COMMD10: variants seen among roughly 807,000 people sequenced by gnomAD.
COMMD10 encodes the protein COMM domain-containing protein 10.
In COMMD10, 33 loss-of-function variants were observed where a neutral mutation model predicts 28.9. The observed-to-expected ratio is 1.14, with a 90% CI of 0.87 to 1.53. The LOEUF (loss-of-function observed/expected upper bound fraction) is 1.53. Among genes scored for constraint, COMMD10 ranks in the 40% most tolerant of loss-of-function variants. The pLI, the probability that COMMD10 is intolerant of heterozygous loss-of-function variation, is 0.00. For missense variants in COMMD10, 310 were observed against 233.4 expected (o/e 1.33, Z -2.14); for synonymous variants, 110 against 81.7 (o/e 1.35, Z -1.87).
At chr5:116,245,988 A>C (rs567145126) in intron 5 of COMMD10, among the ~76,000 whole-genome samples, 1 of 152,288 alleles carries the variant, frequency 6.6e-6, no homozygotes, top group African/African-American at 2.4e-5. Context: ...TGGCCAGGGC[A>C]AATAGGCCAG....
intron 5 of COMMD10, among the ~76,000 whole-genome samples, chr5:116,227,109 C>CTA (rs1749412934): frequency 6.6e-6 from 1 of 151,976 alleles, no homozygotes; most frequent in African/African-American, 2.4e-5. Flanking sequence ...TCTATCTGTG[C>CTA]TATAGGTTCA....
At chr5:116,213,832 T>C (rs1325266860) in intron 5 of COMMD10, among the ~76,000 whole-genome samples, 1 of 152,150 alleles carries the variant, frequency 6.6e-6, no homozygotes, top group African/African-American at 2.4e-5. Flanking sequence ...CTTGATAAAA[T>C]GTGAATGATT....
At chr5:116,111,372 G>T (rs1751037764) in intron 4 of COMMD10, among the ~76,000 whole-genome samples, 1 of 151,910 alleles carries the variant, frequency 6.6e-6, no homozygotes, top group Non-Finnish European at 1.5e-5. Flanking sequence ...TTGTTAATTT[G>T]CAATCTTTCT....
Position 116,170,628 on chromosome 5 carries a change from CA to C in COMMD10, c.510+36454del, listed in dbSNP as rs1490479201. On this transcript the variant is annotated intron_variant, in intron 5 of 6. Coordinates refer to ENST00000274458, the MANE Select transcript of COMMD10 (RefSeq NM_016144.4). Reference sequence around the variant, plus strand: ...AACCAAAACAGCATGGTACTGGTACCAAAACAGATATATATACCAGTGGAAC... The same window carrying C: ...AACCAAAACAGCATGGTACTGGTACCAAACAGATATATATACCAGTGGAAC... Among the ~76,000 whole-genome samples the C allele has an allele frequency of 9.2e-5, 14 of 152,140 alleles. No individual in the cohort carries two copies. The East Asian group carries it at 2.7e-3, about 29-fold the overall frequency.
At chr5:116,092,953 C>G (rs181495138) in intron 4 of COMMD10, among the ~76,000 whole-genome samples, 71 of 152,282 alleles carry the variant, frequency 4.7e-4, no homozygotes, top group African/African-American at 1.7e-3. Context: ...TGACTGGAAA[C>G]TATCGCTCGC....
At chr5:116,107,485 TG>T (rs1561604008) in intron 4 of COMMD10, among the ~76,000 whole-genome samples, 3 of 152,230 alleles carry the variant, frequency 2.0e-5, no homozygotes, top group Admixed American at 6.5e-5. Context: ...TTGATACTTG[TG>T]TATGCTTCAT....
chr5:116,168,445 A>T (rs912230793), intron 5 of COMMD10, among the ~76,000 whole-genome samples: 1 of 152,154 alleles, frequency 6.6e-6, no homozygotes, highest in African/African-American at 2.4e-5. Context: ...ATTAATAAGG[A>T]TACTTAGGAC....
chr5:116,127,180 C>G (rs920045701), intron 4 of COMMD10, among the ~76,000 whole-genome samples: 9 of 152,176 alleles, frequency 5.9e-5, no homozygotes, highest in African/African-American at 2.2e-4. Flanking sequence ...AAAAAATGTT[C>G]ATCATCACTG....
chr5:116,148,373 C>G (rs573452139), intron 5 of COMMD10, among the ~76,000 whole-genome samples: 1 of 151,816 alleles, frequency 6.6e-6, no homozygotes, highest in African/African-American at 2.4e-5. Context: ...CTCTTGGCTT[C>G]TTCTTTATGA....
chr5:116,160,798 G>T (rs1752891486), intron 5 of COMMD10, among the ~76,000 whole-genome samples: 1 of 152,114 alleles, frequency 6.6e-6, no homozygotes, highest in Non-Finnish European at 1.5e-5. Flanking sequence ...AGTAGGAAGA[G>T]GATGTAGGAG....
chr5:116,196,674 G>C (rs1000311826), intron 5 of COMMD10, among the ~76,000 whole-genome samples: 1 of 151,834 alleles, frequency 6.6e-6, no homozygotes, highest in African/African-American at 2.4e-5. Flanking sequence ...GCTGTGTGCA[G>C]TATGTGCTTA....
intron 5 of COMMD10, among the ~76,000 whole-genome samples, chr5:116,148,451 T>A (rs1752411807): frequency 6.6e-6 from 1 of 151,822 alleles, no homozygotes; most frequent in Admixed American, 6.6e-5. Flanking sequence ...AGGGGTAATT[T>A]TACCCATATT....
At chr5:116,187,967 G>A (rs972679162) in intron 5 of COMMD10, among the ~76,000 whole-genome samples, 2 of 152,100 alleles carry the variant, frequency 1.3e-5, no homozygotes, top group African/African-American at 2.4e-5. Context: ...GGAACCAAGT[G>A]ACAGCTTTTC....
At chr5:116,149,950 G>A (rs1056288416) in intron 5 of COMMD10, among the ~76,000 whole-genome samples, 10 of 152,056 alleles carry the variant, frequency 6.6e-5, no homozygotes, top group Non-Finnish European at 1.5e-4. Context: ...GTCCTGAATG[G>A]TATTGCCTAG....
Position 116,231,324 on chromosome 5 carries a change from T to A in COMMD10, c.511-60193T>A, listed in dbSNP as rs141793492. The stretch of plus-strand genomic sequence containing the variant: ...TATAGCTTTTTCATGTCAACAAGAG[T>A]ACATTCTGACTGATTCTATTTATAA... On this transcript the variant is annotated intron_variant, in intron 5 of 6. Transcript: ENST00000274458. 3.6e-3 allele frequency among the ~76,000 whole-genome samples: 553 copies of A among 152,292 alleles called. 8 individuals are homozygous for A. Among genetic ancestry groups the A allele is most frequent in the African/African-American group, 0.013 (525 of 41,556 alleles).
At chr5:116,225,130 C>G (rs1749358106) in intron 5 of COMMD10, among the ~76,000 whole-genome samples, 1 of 151,898 alleles carries the variant, frequency 6.6e-6, no homozygotes, top group Non-Finnish European at 1.5e-5. Context: ...CTTTTTAGAT[C>G]TAGAGTTTTC....
chr5:116,176,892 AC>A (rs1271263205), intron 5 of COMMD10, among the ~76,000 whole-genome samples: 6 of 152,282 alleles, frequency 3.9e-5, no homozygotes, highest in African/African-American at 1.4e-4. Context: ...TAACAAACAT[AC>A]TAGGCCTGAA....
chr5:116,281,984 A>G (rs974792324), intron 5 of COMMD10, among the ~76,000 whole-genome samples: 1 of 151,806 alleles, frequency 6.6e-6, no homozygotes, highest in Non-Finnish European at 1.5e-5. Flanking sequence ...GGTTTTAAAT[A>G]TCATCAATAT....
At chr5:116,160,481 A>G (rs1453393076) in intron 5 of COMMD10, among the ~76,000 whole-genome samples, 1 of 152,222 alleles carries the variant, frequency 6.6e-6, no homozygotes, top group African/African-American at 2.4e-5. Context: ...TGATAAAGCT[A>G]GAAAGACAGG....
Sources: gnomAD v4.1 joint callset for allele counts (sites outside exome capture counted in the v4.1 genomes callset) on GRCh38, gnomAD v4.1.1 for gene constraint, MANE v1.5 for transcripts, NCBI Gene and HGNC (gene_info 2026-07-23, HGNC 2026-07-21) for gene names.